TRAPPC3L: variants seen among roughly 807,000 people sequenced by gnomAD.
The protein encoded by TRAPPC3L is trafficking protein particle complex subunit 3-like protein.
Under a neutral mutation model 23.7 loss-of-function variants are expected in TRAPPC3L, and 23 were observed. That is an observed-to-expected ratio of 0.97 (90% CI 0.70 to 1.37). TRAPPC3L has a LOEUF of 1.37. Ranked by LOEUF, TRAPPC3L falls within the 40% of genes most tolerant of loss-of-function variation. TRAPPC3L has a pLI of 0.00. For synonymous variants in TRAPPC3L, 81 were observed against 77.9 expected (o/e 1.04, Z -0.21); for missense variants, 212 against 216.8 (o/e 0.98, Z 0.14).
intron 3 of TRAPPC3L, among the ~76,000 whole-genome samples, chr6:116,504,164 T>C (rs957360761): frequency 2.0e-5 from 3 of 151,766 alleles, no homozygotes; most frequent in Non-Finnish European, 4.4e-5. Context: ...GACAGAATCA[T>C]CAAGTAGACA....
intron 3 of TRAPPC3L, among the ~76,000 whole-genome samples, chr6:116,532,163 A>C (rs980868202): frequency 2.6e-5 from 4 of 152,224 alleles, no homozygotes; most frequent in African/African-American, 9.7e-5. Context: ...GGAGTCTTTC[A>C]TTTAAAGACA....
At chr6:116,512,297 T>A in intron 3 of TRAPPC3L, 2 of 1,507,524 alleles carry the variant, frequency 1.3e-6, no homozygotes, top group Non-Finnish European at 1.8e-6. Flanking sequence ...CTCTCTGTGC[T>A]CCTTTCAGCC....
In TRAPPC3L at chr6:116,496,960, T is replaced by C. The variant is rs1341461125; in HGVS notation, c.540A>G (p.Lys180=). 1.3e-6 allele frequency: 2 copies of C among 1,543,504 alleles called. No homozygotes were observed. Among genetic ancestry groups the C allele is most frequent in the Non-Finnish European group, 1.7e-6 (2 of 1,145,074 alleles). The change falls in exon 5 of 5, where the codon AAA becomes AAG. Residue 180 remains lysine (K), a synonymous_variant. Transcript: ENST00000368602. ...GCATTTTCCGTGCTAGTCTTCATTT[T>C]TTCCCTCTATATTTTTTCTCGTCTC... is the stretch of plus-strand genomic sequence containing the variant. The part of the protein sequence containing the change: ...KKRDEKKYRG[K]K
At position 116,496,775 on chromosome 6, in the gene TRAPPC3L, A is replaced by T; in HGVS notation, c.*179T>A. The T allele has an allele frequency of 4.8e-6, 4 of 841,112 alleles. No individual in the cohort carries two copies. The highest frequency in any genetic ancestry group is 6.7e-6 in the Non-Finnish European group (4 of 594,238). 52.1% of individuals were successfully genotyped at this position (841,112 alleles called of 1,614,324 possible). A position where few individuals can be genotyped will look rare whatever the true frequency, so the allele number is the denominator to read the frequency against. Reference sequence around the variant, plus strand: ...GTGGACATGAGATTGAAAATGCGTGATTTATAAGCAAAAGGAAAAAAAAAC... The same window carrying T: ...GTGGACATGAGATTGAAAATGCGTGTTTTATAAGCAAAAGGAAAAAAAAAC... On this transcript the variant is annotated 3_prime_UTR_variant, in exon 5 of 5. Coordinates refer to ENST00000368602, the MANE Select transcript of TRAPPC3L (RefSeq NM_001139444.3).
At chr6:116,498,906 A>C (rs1239209247) in intron 4 of TRAPPC3L, among the ~76,000 whole-genome samples, 1 of 151,358 alleles carries the variant, frequency 6.6e-6, no homozygotes, top group Admixed American at 6.6e-5. Context: ...TGGTTCTGTT[A>C]CTCCCTTTTA....
chr6:116,498,673 T>G (rs1468193291), intron 4 of TRAPPC3L, among the ~76,000 whole-genome samples: 1 of 152,226 alleles, frequency 6.6e-6, no homozygotes, highest in Non-Finnish European at 1.5e-5. Flanking sequence ...CCAAGGCCCT[T>G]CTGGGTCTTT....
chr6:116,535,172 A>C (rs962092558), intron 3 of TRAPPC3L, among the ~76,000 whole-genome samples: 1 of 152,244 alleles, frequency 6.6e-6, no homozygotes, highest in African/African-American at 2.4e-5. Context: ...CAATGTGCAG[A>C]TGATAGCTAG....
At chr6:116,540,767 A>G (rs1363566157) in intron 2 of TRAPPC3L, among the ~76,000 whole-genome samples, 3 of 152,162 alleles carry the variant, frequency 2.0e-5, no homozygotes, top group African/African-American at 7.2e-5. Context: ...CTGTAGCCTA[A>G]TGTTTCTCAG....
intron 3 of TRAPPC3L, chr6:116,520,378 A>C (rs544677329): frequency 4.6e-5 from 7 of 152,214 alleles, no homozygotes; most frequent in Non-Finnish European, 1.0e-4. Context: ...TTTCTCTCTT[A>C]TTTTAAATAT....
chr6:116,519,145 T>C (rs944542601), intron 3 of TRAPPC3L: 1 of 152,206 alleles, frequency 6.6e-6, no homozygotes, highest in Non-Finnish European at 1.5e-5. Flanking sequence ...TGTGGACCAT[T>C]AGTTGTCTTT....
chr6:116,533,878 T>C (rs1192043743), intron 3 of TRAPPC3L, among the ~76,000 whole-genome samples: 1 of 152,182 alleles, frequency 6.6e-6, no homozygotes, highest in Admixed American at 6.5e-5. Flanking sequence ...TTTCTTACTG[T>C]CCCCATCAGC....
chr6:116,543,987 A>G, intron 1 of TRAPPC3L: 1 of 892,522 alleles, frequency 1.1e-6, no homozygotes, highest in Non-Finnish European at 1.7e-6. Context: ...AAAACTTAAG[A>G]CAATTTAGGT....
chr6:116,513,033 C>T (rs1349332623), intron 3 of TRAPPC3L, among the ~76,000 whole-genome samples: 1 of 152,132 alleles, frequency 6.6e-6, no homozygotes, highest in Non-Finnish European at 1.5e-5. Flanking sequence ...AGATGTACAG[C>T]CTTAGGAAGG....
At chr6:116,522,701 A>G (rs1013400189) in intron 3 of TRAPPC3L, 7 of 152,314 alleles carry the variant, frequency 4.6e-5, no homozygotes, top group African/African-American at 1.7e-4. Flanking sequence ...ATCTACGAAA[A>G]AATAGCAAGT....
intron 3 of TRAPPC3L, chr6:116,522,525 A>G (rs2115175054): frequency 6.6e-6 from 1 of 152,360 alleles, no homozygotes; most frequent in South Asian, 2.1e-4. Context: ...AGTTAGCAGT[A>G]TAGCATCTAC....
intron 3 of TRAPPC3L, among the ~76,000 whole-genome samples, chr6:116,526,560 C>T (rs968670973): frequency 3.3e-5 from 5 of 152,152 alleles, no homozygotes; most frequent in African/African-American, 7.2e-5. Flanking sequence ...TGGAAAGCTC[C>T]AGGTGAGTCT....
intron 3 of TRAPPC3L, chr6:116,512,402 G>T (rs748738728): frequency 7.5e-5 from 57 of 760,874 alleles, no homozygotes; most frequent in African/African-American, 6.3e-4. Flanking sequence ...CTTTTGAAAG[G>T]CTGGGTGGCT....
At chr6:116,529,649 G>A (rs1772576958) in intron 3 of TRAPPC3L, among the ~76,000 whole-genome samples, 1 of 152,206 alleles carries the variant, frequency 6.6e-6, no homozygotes, top group Non-Finnish European at 1.5e-5. Context: ...ATCTGGTGAG[G>A]TTGACAGGTA....
chr6:116,500,607 T>G lies in TRAPPC3L; in HGVS notation c.300A>C (p.Lys100Asn). The change falls in exon 4 of 5, where the codon AAA becomes AAC. Residue 100 changes from lysine to asparagine, a missense_variant. Lys to Asn is a moderately conservative substitution (Grantham distance 94). Transcript: ENST00000368602. ...TPSVTCNNSS[K>N]NEFSLILEKN... ...TCTCTAGAATCAGGGAAAATTCATT[T>G]TTGCTTGAATTGTTACAGGTCACAC... 6.4e-7 allele frequency: 1 copy of G among 1,551,654 alleles called. No homozygotes were observed. Among genetic ancestry groups the G allele is most frequent in the South Asian group, 1.2e-5 (1 of 84,060 alleles).
Sources: gnomAD v4.1 joint callset for allele counts (sites outside exome capture counted in the v4.1 genomes callset) on GRCh38, gnomAD v4.1.1 for gene constraint, MANE v1.5 for transcripts, NCBI Gene and HGNC (gene_info 2026-07-23, HGNC 2026-07-21) for gene names.